The following S100A8 variants were observed in gnomAD, a reference collection of about 807,000 sequenced individuals.
S100A8 encodes protein S100-A8.
S100A8 carries 1 observed loss-of-function variant against 4.2 expected under a neutral mutation model. The ratio of observed to expected loss-of-function variants is 0.24; its 90% confidence interval spans 0.08 to 1.12. The LOEUF is 1.12. S100A8 is among the 50% of genes most tolerant of loss of function. The pLI is 0.53. For synonymous variants in S100A8, 41 were observed against 44.7 expected (o/e 0.92, Z 0.33); for missense variants, 96 against 111.8 (o/e 0.86, Z 0.64).
At chr1:153,418,036 G>A in the S100A8 span, 1 of 1,611,122 alleles carries the variant, frequency 6.2e-7, no homozygotes, top group South Asian at 1.1e-5. Context: ...TCAAACTAAG[G>A]TAAGAAATGA....
chr1:153,392,763 C>T (rs1484321358), upstream of S100A8, among the ~76,000 whole-genome samples: 1 of 152,130 alleles, frequency 6.6e-6, no homozygotes, highest in African/African-American at 2.4e-5. Flanking sequence ...CTCTGCATTG[C>T]ACAAGGGCAT....
chr1:153,417,964 T>A, the S100A8 span: 1 of 1,425,190 alleles, frequency 7.0e-7, no homozygotes. Context: ...CTGCTCCATC[T>A]TAGGGCTGTT....
the S100A8 span, among the ~76,000 whole-genome samples, chr1:153,400,885 CTAAT>C: frequency 6.6e-6 from 1 of 152,208 alleles, no homozygotes; most frequent in South Asian, 2.1e-4. Context: ...TTAAAACTAT[CTAAT>C]TAACAAATTT....
chr1:153,417,522 T>A, the S100A8 span, among the ~76,000 whole-genome samples: 3 of 152,162 alleles, frequency 2.0e-5, no homozygotes, highest in Admixed American at 1.3e-4. Flanking sequence ...ATGTCCACGC[T>A]CACATGTGCA....
At chr1:153,417,545 A>G in the S100A8 span, among the ~76,000 whole-genome samples, 1 of 152,260 alleles carries the variant, frequency 6.6e-6, no homozygotes, top group African/African-American at 2.4e-5. Flanking sequence ...TGGAGCCTGC[A>G]CGCACTGTGT....
the S100A8 span, among the ~76,000 whole-genome samples, chr1:153,397,966 G>A: frequency 6.6e-6 from 1 of 152,220 alleles, no homozygotes; most frequent in Non-Finnish European, 1.5e-5. Flanking sequence ...CCCTGGAAAG[G>A]ACAAGGTTTC....
the S100A8 span, chr1:153,417,228 G>C: frequency 1.3e-5 from 2 of 152,256 alleles, no homozygotes. Context: ...TTCAGGCTTG[G>C]GGTGCAGGGC....
chr1:153,405,586 G>A, the S100A8 span, among the ~76,000 whole-genome samples: 14 of 151,998 alleles, frequency 9.2e-5, no homozygotes, highest in African/African-American at 1.4e-4. Context: ...GGTCCAAACC[G>A]CCTGATCACA....
At chr1:153,393,670 C>T (rs1662152813), upstream of S100A8, among the ~76,000 whole-genome samples, 1 of 152,214 alleles carries the variant, frequency 6.6e-6, no homozygotes, top group South Asian at 2.1e-4. Context: ...AGGATCCACC[C>T]TTGGTTAATA....
At chr1:153,400,179 C>G in the S100A8 span, among the ~76,000 whole-genome samples, 902 of 152,252 alleles carry the variant, frequency 5.9e-3, 6 homozygotes, top group African/African-American at 0.021. Flanking sequence ...AGAGAGGAAG[C>G]TAATAGAGGA....
At chr1:153,398,288 C>T in the S100A8 span, among the ~76,000 whole-genome samples, 30 of 152,332 alleles carry the variant, frequency 2.0e-4, no homozygotes, top group East Asian at 4.8e-3. Flanking sequence ...TGTCTAAGCC[C>T]GGATTTGGGT....
At chr1:153,416,233 G>A in the S100A8 span, among the ~76,000 whole-genome samples, 1 of 152,184 alleles carries the variant, frequency 6.6e-6, no homozygotes, top group Non-Finnish European at 1.5e-5. Flanking sequence ...CAGAGGCCCA[G>A]TGCTCTTTTC....
the S100A8 span, chr1:153,419,178 T>C: frequency 1.4e-5 from 22 of 1,614,088 alleles, no homozygotes; most frequent in Non-Finnish European, 1.7e-5. Context: ...CGCCACTGTC[T>C]TTGAGAAAAA....
the S100A8 span, among the ~76,000 whole-genome samples, chr1:153,401,624 T>C: frequency 2.0e-5 from 3 of 152,184 alleles, no homozygotes; most frequent in Admixed American, 2.0e-4. Context: ...GGAGTAGCGC[T>C]TTCTGGTGAA....
the S100A8 span, chr1:153,420,097 C>T: frequency 6.6e-6 from 1 of 152,190 alleles, no homozygotes; most frequent in East Asian, 1.9e-4. Flanking sequence ...AGCAGTCTGG[C>T]TGGAATAAGG....
At chr1:153,401,707 A>G in the S100A8 span, among the ~76,000 whole-genome samples, 2 of 152,180 alleles carry the variant, frequency 1.3e-5, no homozygotes, top group African/African-American at 2.4e-5. Context: ...CCAGGGTTTT[A>G]GACACCTCAA....
chr1:153,404,483 C>T, the S100A8 span, among the ~76,000 whole-genome samples: 3 of 152,104 alleles, frequency 2.0e-5, no homozygotes, highest in Non-Finnish European at 4.4e-5. Context: ...ACAAAAGATG[C>T]TCCCTCTCCC....
At chr1:153,414,544 T>A in the S100A8 span, among the ~76,000 whole-genome samples, 4 of 152,006 alleles carry the variant, frequency 2.6e-5, no homozygotes, top group Non-Finnish European at 5.9e-5. Flanking sequence ...GAAATGCAAA[T>A]TAAAACAACA....
At chr1:153,392,148 C>T (rs1662113454), upstream of S100A8, among the ~76,000 whole-genome samples, 1 of 151,930 alleles carries the variant, frequency 6.6e-6, no homozygotes, top group African/African-American at 2.4e-5. Context: ...AACTCAACAA[C>T]AAAAAACAAA....
Sources: allele counts gnomAD v4.1 joint callset (sites outside exome capture counted in the v4.1 genomes callset), GRCh38; gene constraint gnomAD v4.1.1; transcripts MANE v1.5; gene names NCBI Gene and HGNC (gene_info 2026-07-23, HGNC 2026-07-21).